Variants in ZBTB10 observed in about 807,000 individuals in gnomAD.
ZBTB10 encodes the protein zinc finger and BTB domain containing 10.
ZBTB10 carries 32 observed loss-of-function variants against 76.4 expected under a neutral mutation model. The observed-to-expected ratio is 0.42, with a 90% CI of 0.32 to 0.56. The LOEUF (loss-of-function observed/expected upper bound fraction) is 0.56, where lower values mean the gene tolerates loss of function less well. Among genes scored for constraint, ZBTB10 ranks in the 20% least tolerant of loss-of-function variants. The pLI is 0.14. For synonymous variants in ZBTB10, 523 were observed against 432.9 expected (o/e 1.21, Z -2.58); for missense variants, 1,057 against 1,098.5 (o/e 0.96, Z 0.53).
intron 1 of ZBTB10, among the ~76,000 whole-genome samples, chr8:80,490,938 T>G (rs1273824508): frequency 6.6e-6 from 1 of 152,226 alleles, no homozygotes; most frequent in African/African-American, 2.4e-5. Context: ...TGTAGCGTAC[T>G]TTGTTTTGTA....
Position 80,487,047 on chromosome 8 carries a change from C to G in ZBTB10, c.237C>G (p.Ala79=). Residue 79 remains alanine (A), a synonymous_variant, in exon 1 of 6, where the codon GCC becomes GCG. Coordinates refer to ENST00000455036, the MANE Select transcript of ZBTB10 (RefSeq NM_001105539.3). ...GCCTGGAGCCCCAAGACCTGGAGGC[C>G]TCCGCCGGGCCGGCCGCCGGCGCCG... ...LEGLEPQDLE[A]SAGPAAGAAE... 1 of 1,517,484 alleles carries G rather than the reference C, an allele frequency of 6.6e-7. No individual in the cohort carries two copies. The highest frequency in any genetic ancestry group is 8.8e-7 in the Non-Finnish European group (1 of 1,139,536). 94.0% of individuals were successfully genotyped at this position (1,517,484 alleles called of 1,614,324 possible). A position where few individuals can be genotyped will look rare whatever the true frequency, so the allele number is the denominator to read the frequency against.
chr8:80,498,980 A>G (rs55942834), intron 1 of ZBTB10, among the ~76,000 whole-genome samples: 40,651 of 152,076 alleles, frequency 0.27, 6,223 homozygotes, highest in African/African-American at 0.42. Flanking sequence ...AGATTTAATT[A>G]ACTTCATTGA....
chr8:80,518,754 G>A (rs750845731), intron 4 of ZBTB10, 28 bp from the exon 5 acceptor site: 115 of 1,582,592 alleles, frequency 7.3e-5, no homozygotes, highest in Non-Finnish European at 9.4e-5. Flanking sequence ...TGTGTAATAA[G>A]CACTTTCTCT....
chr8:80,486,594 C>T lies in ZBTB10; in HGVS notation c.-217C>T, dbSNP rs569810896. On this transcript the variant is annotated 5_prime_UTR_variant, in exon 1 of 6. Coordinates refer to ENST00000455036, the MANE Select transcript of ZBTB10 (RefSeq NM_001105539.3). ...TGGAGGACGAGAGAGCGGTCGGAGG[C>T]GTCGGCCCGGCAGCGGCAGCGGCAG... is the stretch of plus-strand genomic sequence containing the variant. 5.0e-5 allele frequency: 49 copies of T among 986,934 alleles called. No homozygotes were observed. In the Middle Eastern group the frequency reaches 1.6e-3, roughly 32 times the overall value. 61.1% of individuals were successfully genotyped at this position (986,934 alleles called of 1,614,324 possible).
chr8:80,516,767 A>C (rs1325472837), intron 3 of ZBTB10, among the ~76,000 whole-genome samples: 3 of 152,240 alleles, frequency 2.0e-5, no homozygotes, highest in African/African-American at 7.2e-5. Context: ...GTTGGGTATT[A>C]AGACTTTCAC....
intron 2 of ZBTB10, among the ~76,000 whole-genome samples, chr8:80,510,639 AGTGTGTGTGTGTGTGTGT>A (rs58749656): frequency 5.6e-5 from 7 of 125,686 alleles, no homozygotes; most frequent in Admixed American, 7.7e-5. Context: ...TTGTGAAACC[AGTGTGTGTGTGTGTGTGT>A]GTGTGTGTGT....
At chr8:80,514,056 G>T in intron 3 of ZBTB10, 48 bp downstream of exon 3, 1 of 1,513,820 alleles carries the variant, frequency 6.6e-7, no homozygotes, top group Non-Finnish European at 8.9e-7. Flanking sequence ...ATTGGGAAGT[G>T]TTACATCTTA....
intron 1 of ZBTB10, among the ~76,000 whole-genome samples, chr8:80,490,556 C>T (rs2131471858): frequency 6.6e-6 from 1 of 152,262 alleles, no homozygotes; most frequent in African/African-American, 2.4e-5. Flanking sequence ...TCATTTTGAT[C>T]ACCAATCAGT....
chr8:80,511,447 A>AG (rs1480298883), intron 2 of ZBTB10, among the ~76,000 whole-genome samples: 1 of 152,240 alleles, frequency 6.6e-6, no homozygotes, highest in East Asian at 1.9e-4. Context: ...TTTTTAAAAA[A>AG]AGATTGAGAA....
rs375071529 is a variant in ZBTB10 at position 80,493,207 on chromosome 8, G to GCGCACACACA, written c.972+5426_972+5427insGCACACACAC. Among the ~76,000 whole-genome samples, 503 of 125,272 alleles carry GCGCACACACA rather than the reference G, an allele frequency of 4.0e-3. 3 individuals carry two copies. The highest frequency in any genetic ancestry group is 0.018 in the East Asian group (77 of 4,172). The allele number at this position is 125,272 out of a possible 152,430, so 82.2% of individuals were successfully genotyped here. A position where few individuals can be genotyped will look rare whatever the true frequency, so the allele number is the denominator to read the frequency against. ...TGTGCCTCAAAACGCGCGCGCGCGC[G>GCGCACACACA]CACACACACACACACACACACACAC... On this transcript the variant is annotated intron_variant, in intron 1 of 5. Coordinates refer to ENST00000455036, the MANE Select transcript of ZBTB10 (RefSeq NM_001105539.3).
chr8:80,500,516 G>A (rs1815895330), intron 2 of ZBTB10, 134 bp downstream of exon 2: 5 of 907,846 alleles, frequency 5.5e-6, no homozygotes, highest in African/African-American at 3.4e-5. Context: ...AAGGGGGAAC[G>A]TCATTCAAAT....
chr8:80,491,097 C>T (rs930351766), intron 1 of ZBTB10, among the ~76,000 whole-genome samples: 2 of 152,090 alleles, frequency 1.3e-5, no homozygotes, highest in African/African-American at 4.8e-5. Flanking sequence ...ATGGTAATGT[C>T]CTAGGCCTTT....
rs1464135932 is a variant in ZBTB10 at position 80,524,254 on chromosome 8, A to G, written c.*4726A>G. Reference sequence around the variant, plus strand: ...GTTTTTTGTTTATTTGTATGTTTTTATATGAAAGTACATAAATGACAGACT... The same window carrying G: ...GTTTTTTGTTTATTTGTATGTTTTTGTATGAAAGTACATAAATGACAGACT... On this transcript the variant is annotated 3_prime_UTR_variant, in exon 6 of 6. Transcript: ENST00000455036. 1.3e-5 allele frequency: 2 copies of G among 152,084 alleles called. No homozygotes were observed. The highest frequency in any genetic ancestry group is 3.8e-4 in the East Asian group (2 of 5,204). 9.4% of individuals were successfully genotyped at this position (152,084 alleles called of 1,614,324 possible).
chr8:80,487,838 C>T, intron 1 of ZBTB10, 56 bp downstream of exon 1: 1 of 1,498,974 alleles, frequency 6.7e-7, no homozygotes, highest in African/African-American at 1.4e-5. Context: ...GGTTTATCAG[C>T]ACTCCCTTCA....
chr8:80,492,772 G>C (rs1815665154), intron 1 of ZBTB10, among the ~76,000 whole-genome samples: 1 of 151,856 alleles, frequency 6.6e-6, no homozygotes, highest in African/African-American at 2.4e-5. Context: ...TCACGCACCC[G>C]GCCTGAAGAT....
chr8:80,501,676 ATG>A (rs35555021), intron 2 of ZBTB10, among the ~76,000 whole-genome samples: 2,352 of 151,102 alleles, frequency 0.016, 39 homozygotes, highest in South Asian at 0.041. Context: ...TTGTGTATGT[ATG>A]TGTGTGTGTG....
chr8:80,522,134 A>T lies in ZBTB10; in HGVS notation c.*2606A>T, dbSNP rs1563469914. On this transcript the variant is annotated 3_prime_UTR_variant, in exon 6 of 6. Coordinates refer to ENST00000455036, the MANE Select transcript of ZBTB10 (RefSeq NM_001105539.3). ...TTTTCCCATCTAGATCTTTTAAAAA[A>T]ATAGTTTTAGTACTAAGGTATACTA... The T allele has an allele frequency of 6.6e-6, 1 of 151,948 alleles. No individual in the cohort carries two copies. The highest frequency in any genetic ancestry group is 2.4e-5 in the African/African-American group (1 of 41,450). The allele number at this position is 151,948 out of a possible 1,614,324, so 9.4% of individuals were successfully genotyped here. A position where few individuals can be genotyped will look rare whatever the true frequency, so the allele number is the denominator to read the frequency against.
At chr8:80,488,401 G>A (rs917562536) in intron 1 of ZBTB10, among the ~76,000 whole-genome samples, 1 of 152,060 alleles carries the variant, frequency 6.6e-6, no homozygotes, top group African/African-American at 2.4e-5. Context: ...TCTTACTACG[G>A]CTTGGTTTTG....
chr8:80,496,999 C>T (rs1815799376), intron 1 of ZBTB10, among the ~76,000 whole-genome samples: 2 of 152,132 alleles, frequency 1.3e-5, no homozygotes, highest in African/African-American at 4.8e-5. Flanking sequence ...CAAGATTCTT[C>T]CCCCTTATTT....
Sources: gnomAD v4.1 joint callset for allele counts (sites outside exome capture counted in the v4.1 genomes callset) on GRCh38, gnomAD v4.1.1 for gene constraint, MANE v1.5 for transcripts, NCBI Gene and HGNC (gene_info 2026-07-23, HGNC 2026-07-21) for gene names.